Variants in UBE4B observed in about 807,000 individuals in gnomAD.
The protein encoded by UBE4B is ubiquitin conjugation factor E4 B.
In UBE4B, 27 loss-of-function variants were observed where a neutral mutation model predicts 148.1. The observed-to-expected ratio is 0.18, with a 90% CI of 0.13 to 0.25. The LOEUF is 0.25. Among genes scored for constraint, UBE4B ranks in the 10% least tolerant of loss-of-function variants. UBE4B has a pLI of 1.00. For synonymous variants in UBE4B, 596 were observed against 619.3 expected (o/e 0.96, Z 0.56); for missense variants, 1,170 against 1,662.4 (o/e 0.70, Z 5.15).
chr1:10,065,669 A>G (rs1227017282), intron 1 of UBE4B, among the ~76,000 whole-genome samples: 1 of 152,196 alleles, frequency 6.6e-6, no homozygotes, highest in Non-Finnish European at 1.5e-5. Flanking sequence ...TGAAGACGTT[A>G]TGGAGCAGGG....
At chr1:10,154,716 C>T (rs940272208) in intron 21 of UBE4B, among the ~76,000 whole-genome samples, 1 of 152,034 alleles carries the variant, frequency 6.6e-6, no homozygotes, top group African/African-American at 2.4e-5. Flanking sequence ...GTGGTGCACA[C>T]CTATAGTCCC....
intron 1 of UBE4B, among the ~76,000 whole-genome samples, chr1:10,043,189 A>G (rs1643838126): frequency 6.6e-6 from 1 of 151,186 alleles, no homozygotes; most frequent in African/African-American, 2.4e-5. Flanking sequence ...TTGTATTCTT[A>G]GCACAGTTGG....
chr1:10,037,120 C>G (rs755052017), intron 1 of UBE4B, among the ~76,000 whole-genome samples: 1 of 151,856 alleles, frequency 6.6e-6, no homozygotes, highest in African/African-American at 2.4e-5. Flanking sequence ...CTCTGCCTCC[C>G]GGGTTCAAGC....
intron 9 of UBE4B, among the ~76,000 whole-genome samples, chr1:10,120,609 G>A (rs1228949191): frequency 1.3e-5 from 2 of 152,176 alleles, no homozygotes; most frequent in Non-Finnish European, 2.9e-5. Flanking sequence ...GGCCAAGGCA[G>A]ATGGATTGCC....
In UBE4B at chr1:10,161,505, A is replaced by C. The variant is rs1425475111; in HGVS notation, c.3198+219A>C. On this transcript the variant is annotated intron_variant, in intron 23 of 27. Transcript: ENST00000343090. This position sits in a 1 kb window ranked among gnomAD's most constrained non-coding sequence, Gnocchi z 4.1. ...GGTTGAGAAGTCTTTGAAAATGTAC[A>C]CTGAAAACTTTCTCTGCCTTTTTAA... Among the ~76,000 whole-genome samples, 1 of 152,188 alleles carries C rather than the reference A, an allele frequency of 6.6e-6. No homozygotes were observed. Among genetic ancestry groups the C allele is most frequent in the Non-Finnish European group, 1.5e-5 (1 of 68,038 alleles).
rs1646156611 is a variant in UBE4B at position 10,161,346 on chromosome 1, C to T, written c.3198+60C>T. On this transcript the variant is annotated intron_variant, in intron 23 of 27. Transcript: ENST00000343090. The surrounding 1 kb of genome is among the most constrained non-coding windows in gnomAD (Gnocchi z 4.1). ...CAGGCCATCTGCCTCCACACACGGG[C>T]AGAGCTGCTTTGGGGCTGCATTTGT... 6.3e-7 allele frequency: 1 copy of T among 1,580,912 alleles called. No homozygotes were observed. The highest frequency in any genetic ancestry group is 2.3e-5 in the East Asian group (1 of 44,220).
intron 23 of UBE4B, among the ~76,000 whole-genome samples, chr1:10,162,471 A>G (rs945889264): frequency 1.3e-4 from 19 of 150,768 alleles, no homozygotes; most frequent in African/African-American, 4.4e-4. Context: ...TTGCACCCGG[A>G]CAATTTTTGT....
At chr1:10,077,299 C>T (rs1644601302) in intron 2 of UBE4B, among the ~76,000 whole-genome samples, 1 of 152,158 alleles carries the variant, frequency 6.6e-6, no homozygotes, top group Non-Finnish European at 1.5e-5. Flanking sequence ...TCTTCACGTC[C>T]GTCTTCACAT....
At chr1:10,104,711 T>A (rs1439259611) in intron 5 of UBE4B, among the ~76,000 whole-genome samples, 2 of 152,224 alleles carry the variant, frequency 1.3e-5, no homozygotes, top group Non-Finnish European at 2.9e-5. Context: ...GTCTTACACA[T>A]GTAAGTGGCA....
chr1:10,071,782 C>T (rs928036084), intron 1 of UBE4B, among the ~76,000 whole-genome samples: 2 of 152,152 alleles, frequency 1.3e-5, no homozygotes, highest in Non-Finnish European at 2.9e-5. Context: ...ACCCCCACCT[C>T]ACCCTCCCAA....
intron 21 of UBE4B, among the ~76,000 whole-genome samples, chr1:10,152,636 A>G (rs1290330256): frequency 1.3e-5 from 2 of 151,984 alleles, no homozygotes; most frequent in African/African-American, 2.4e-5. Context: ...CGTCTCTACT[A>G]AAAATACAAA....
At chr1:10,085,405 C>T (rs1047581139) in intron 2 of UBE4B, among the ~76,000 whole-genome samples, 1 of 152,210 alleles carries the variant, frequency 6.6e-6, no homozygotes, top group Admixed American at 6.5e-5. Context: ...CCGAGGCTCC[C>T]TGAATGTGGC....
chr1:10,056,388 C>T (rs893293054), intron 1 of UBE4B, among the ~76,000 whole-genome samples: 1 of 152,298 alleles, frequency 6.6e-6, no homozygotes. Context: ...AGACTATTTA[C>T]TGTGTGTCAA....
intron 21 of UBE4B, among the ~76,000 whole-genome samples, chr1:10,156,861 C>T (rs138261561): frequency 5.3e-5 from 8 of 152,116 alleles, no homozygotes; most frequent in African/African-American, 1.9e-4. Flanking sequence ...AAAATGTGTT[C>T]TTTGGAAAAT....
intron 1 of UBE4B, among the ~76,000 whole-genome samples, chr1:10,070,372 G>C (rs1199485094): frequency 6.7e-6 from 1 of 149,882 alleles, no homozygotes; most frequent in Non-Finnish European, 1.5e-5. Flanking sequence ...ATTACTCATA[G>C]TTGTAAGTAT....
intron 2 of UBE4B, among the ~76,000 whole-genome samples, chr1:10,092,939 T>G (rs1384827316): frequency 6.6e-6 from 1 of 152,142 alleles, no homozygotes; most frequent in Non-Finnish European, 1.5e-5. Context: ...CCCCACTTGA[T>G]CCGAAATGTG....
chr1:10,096,882 T>C (rs1644936398), intron 3 of UBE4B, among the ~76,000 whole-genome samples: 1 of 150,780 alleles, frequency 6.6e-6, no homozygotes, highest in South Asian at 2.1e-4. Flanking sequence ...CTACTAAAAA[T>C]ACAAAAATTA....
At chr1:10,043,467 C>T (rs1643850471) in intron 1 of UBE4B, among the ~76,000 whole-genome samples, 2 of 139,996 alleles carry the variant, frequency 1.4e-5, no homozygotes, top group Admixed American at 1.6e-4. Flanking sequence ...ACTCTTGTCA[C>T]CCAGGCTGGA....
intron 2 of UBE4B, among the ~76,000 whole-genome samples, chr1:10,076,965 T>C (rs188351552): frequency 1.3e-5 from 2 of 152,120 alleles, no homozygotes; most frequent in Admixed American, 6.6e-5. Flanking sequence ...CAGGCTGGTC[T>C]CGAACTCCTG....
Sources: allele counts gnomAD v4.1 joint callset (sites outside exome capture counted in the v4.1 genomes callset), GRCh38; gene constraint gnomAD v4.1.1; non-coding constraint Gnocchi (gnomAD v3.1); transcripts MANE v1.5; gene names NCBI Gene and HGNC (gene_info 2026-07-23, HGNC 2026-07-21).